Variants in B4GALNT3 observed in about 807,000 individuals in gnomAD.
B4GALNT3 encodes the protein beta-1,4-N-acetyl-galactosaminyltransferase 3.
A neutral mutation model predicts 120.2 loss-of-function variants in B4GALNT3; 86 were observed. The ratio of observed to expected loss-of-function variants is 0.72; its 90% CI spans 0.60 to 0.86. The LOEUF (loss-of-function observed/expected upper bound fraction) is 0.86. B4GALNT3 is among the 40% of genes least tolerant of loss of function. The pLI is 0.00. For synonymous variants in B4GALNT3, 518 were observed against 510.4 expected, an observed-to-expected ratio of 1.01 and a Z score of -0.20; for missense variants, 1,167 against 1,298.9, an observed-to-expected ratio of 0.90 and a Z score of 1.56.
intron 1 of B4GALNT3, among the ~76,000 whole-genome samples, chr12:469,976 A>G (rs1395197024): frequency 6.6e-6 from 1 of 152,110 alleles, no homozygotes; most frequent in Non-Finnish European, 1.5e-5. Context: ...GTGCATGGCC[A>G]GTGTACATCC....
At chr12:468,547 G>A (rs1565586362) in intron 1 of B4GALNT3, among the ~76,000 whole-genome samples, 1 of 152,130 alleles carries the variant, frequency 6.6e-6, no homozygotes, top group Non-Finnish European at 1.5e-5. Context: ...TGACACTACC[G>A]AGAGAACAGC....
At chr12:529,646 T>A (rs1432357144) in intron 1 of B4GALNT3, among the ~76,000 whole-genome samples, 1 of 152,260 alleles carries the variant, frequency 6.6e-6, no homozygotes, top group African/African-American at 2.4e-5. Flanking sequence ...GAAATAAAAC[T>A]CTTAGCATAG....
intron 1 of B4GALNT3, among the ~76,000 whole-genome samples, chr12:475,472 G>T (rs1056944144): frequency 2.6e-5 from 4 of 152,186 alleles, no homozygotes; most frequent in Non-Finnish European, 1.5e-5. Context: ...CATCCAGAGA[G>T]CAGTAGCTTC....
At chr12:503,528 C>T (rs551195294) in intron 1 of B4GALNT3, among the ~76,000 whole-genome samples, 57 of 152,322 alleles carry the variant, frequency 3.7e-4, no homozygotes, top group African/African-American at 1.3e-3. Flanking sequence ...TCACTGCTCA[C>T]GCCTCTTTGC....
chr12:472,305 G>A (rs1423909940), intron 1 of B4GALNT3, among the ~76,000 whole-genome samples: 1 of 152,196 alleles, frequency 6.6e-6, no homozygotes, highest in African/African-American at 2.4e-5. Flanking sequence ...TTTAGAGACA[G>A]TGTCTCAGTC....
intron 1 of B4GALNT3, among the ~76,000 whole-genome samples, chr12:469,760 G>T (rs988760835): frequency 6.6e-6 from 1 of 152,092 alleles, no homozygotes; most frequent in African/African-American, 2.4e-5. Context: ...TACACACTGG[G>T]ATTTCTGGGA....
intron 1 of B4GALNT3, among the ~76,000 whole-genome samples, chr12:478,189 G>T (rs186860997): frequency 1.2e-3 from 177 of 149,744 alleles, no homozygotes; most frequent in African/African-American, 4.3e-3. Flanking sequence ...GATCAAGGCT[G>T]CAGTGAGCTG....
At position 553,841 on chromosome 12, in the gene B4GALNT3, G is replaced by A. The variant is rs757755431; in HGVS notation, c.1918G>A (p.Ala640Thr). The change falls in exon 14 of 20, where the codon GCC becomes ACC. Residue 640 changes from alanine to threonine, a missense_variant. Around this residue, in one of 3 missense-constraint regions of B4GALNT3, gnomAD observed 983 missense variants for 1,102.5 expected, o/e 0.89. Coordinates refer to ENST00000266383, the MANE Select transcript of B4GALNT3 (RefSeq NM_173593.4). ...PVVNWDQTFS[A>T]RNLDFQALRT... ...AGTAAACTGGGACCAGACCTTCAGT[G>A]CCCGGAATCTCGACTTCCAAGCCCT... The A allele has an allele frequency of 3.3e-5, 53 of 1,614,136 alleles. No individual in the cohort carries two copies. Among genetic ancestry groups the A allele is most frequent in the Non-Finnish European group, 4.3e-5 (51 of 1,180,048 alleles).
At chr12:528,981 C>A (rs1183173567) in intron 1 of B4GALNT3, among the ~76,000 whole-genome samples, 1 of 152,188 alleles carries the variant, frequency 6.6e-6, no homozygotes, top group Admixed American at 6.5e-5. Flanking sequence ...GACCCCGGGG[C>A]TTCTTAGCCA....
chr12:511,013 C>CTTTTTTTTTT lies in B4GALNT3; in HGVS notation c.170-24120_170-24111dup, dbSNP rs762032000. On this transcript the variant is annotated intron_variant, in intron 1 of 19. Transcript: ENST00000266383. Reference sequence around the variant, plus strand: ...TTTGGTCTCTATGGATTTGCCTATTCTTTTTTTTTTTTTTTTTTTTTTTTT... The same window carrying CTTTTTTTTTT: ...TTTGGTCTCTATGGATTTGCCTATTCTTTTTTTTTTTTTTTTTTTTTTTTTTTTTTTTTTT... Among the ~76,000 whole-genome samples the CTTTTTTTTTT allele has an allele frequency of 9.8e-4, 43 of 43,904 alleles. 4 individuals are homozygous for CTTTTTTTTTT. Among genetic ancestry groups the CTTTTTTTTTT allele is most frequent in the Non-Finnish European group, 1.2e-3 (26 of 21,838 alleles). 28.8% of individuals were successfully genotyped at this position (43,904 alleles called of 152,430 possible). A position where few individuals can be genotyped will look rare whatever the true frequency, so the allele number is the denominator to read the frequency against.
intron 1 of B4GALNT3, among the ~76,000 whole-genome samples, chr12:494,097 C>T (rs1946368021): frequency 6.6e-6 from 1 of 151,952 alleles, no homozygotes; most frequent in Admixed American, 6.6e-5. Context: ...TGGTGAAACC[C>T]CATCTCTACA....
At chr12:549,687 T>A in intron 9 of B4GALNT3, 82 bp from the exon 10 acceptor site, 1 of 1,558,674 alleles carries the variant, frequency 6.4e-7, no homozygotes, top group Non-Finnish European at 8.8e-7. Flanking sequence ...CCCTTCTGCG[T>A]CTCTTCCCTC....
chr12:499,512 T>C (rs1415101897), intron 1 of B4GALNT3, among the ~76,000 whole-genome samples: 8 of 109,056 alleles, frequency 7.3e-5, no homozygotes, highest in Non-Finnish European at 1.2e-4. Context: ...GCTCTCACTA[T>C]CTACTAGCCC....
chr12:554,789 CAAAAAA>C (rs57194028), intron 14 of B4GALNT3, among the ~76,000 whole-genome samples: 2,086 of 32,876 alleles, frequency 0.063, 32 homozygotes, highest in Middle Eastern at 0.23. Flanking sequence ...GACTCCGTCT[CAAAAAA>C]AAAAAAAAAA....
chr12:495,296 T>C (rs994505999), intron 1 of B4GALNT3, among the ~76,000 whole-genome samples: 3 of 152,168 alleles, frequency 2.0e-5, no homozygotes, highest in South Asian at 4.1e-4. Context: ...AGGGGTTCAG[T>C]TTCCTGGGGA....
At chr12:503,503 A>G (rs1201612501) in intron 1 of B4GALNT3, among the ~76,000 whole-genome samples, 6 of 152,184 alleles carry the variant, frequency 3.9e-5, no homozygotes, top group African/African-American at 1.4e-4. Flanking sequence ...CTGACCTGTA[A>G]AATGAACCTC....
At chr12:559,625 G>C (rs1565613442) in intron 19 of B4GALNT3, among the ~76,000 whole-genome samples, 1 of 152,080 alleles carries the variant, frequency 6.6e-6, no homozygotes, top group Non-Finnish European at 1.5e-5. Flanking sequence ...CTCGCCCTCT[G>C]TCTGTGTCAC....
intron 1 of B4GALNT3, among the ~76,000 whole-genome samples, chr12:516,125 G>A (rs1434623319): frequency 2.0e-5 from 3 of 146,506 alleles, no homozygotes; most frequent in Non-Finnish European, 4.5e-5. Flanking sequence ...CAGCCTGGGC[G>A]ACAGAGCGAG....
At chr12:535,487 G>A (rs1592046310) in intron 2 of B4GALNT3, among the ~76,000 whole-genome samples, 1 of 152,178 alleles carries the variant, frequency 6.6e-6, no homozygotes, top group African/African-American at 2.4e-5. Flanking sequence ...TTTTACTGGG[G>A]CTGCCACTGG....
Sources: allele counts gnomAD v4.1 joint callset (sites outside exome capture counted in the v4.1 genomes callset), GRCh38; gene constraint gnomAD v4.1.1; regional missense constraint gnomAD v4.1.1; transcripts MANE v1.5; gene names NCBI Gene and HGNC (gene_info 2026-07-23, HGNC 2026-07-21).